Variants in MGAT4A observed in about 807,000 individuals in gnomAD.
MGAT4A encodes N-acetylglucosaminyltransferase IVa.
In MGAT4A, 33 loss-of-function variants were observed where a neutral mutation model predicts 74.1. The ratio of observed to expected loss-of-function variants is 0.45; its 90% confidence interval spans 0.34 to 0.60. The LOEUF (loss-of-function observed/expected upper bound fraction) is 0.60. MGAT4A is among the 20% of genes least tolerant of loss of function. The probability of loss-of-function intolerance (pLI) is 0.02; values close to 1 mark genes in which losing one functional copy is unlikely to be tolerated. For synonymous variants in MGAT4A, 198 were observed against 210.4 expected (o/e 0.94, Z 0.51); for missense variants, 479 against 628.3 (o/e 0.76, Z 2.54).
At chr2:98,726,200 A>G in intron 2 of MGAT4A, 39 bp downstream of exon 2, 1 of 1,548,444 alleles carries the variant, frequency 6.5e-7, no homozygotes, top group Non-Finnish European at 8.9e-7. Flanking sequence ...CAAAAACCCT[A>G]GTACATTTCA....
rs1332054877 is a variant in MGAT4A at position 98,620,920 on chromosome 2, T to C, written c.*4646A>G. 1.3e-5 allele frequency: 2 copies of C among 152,612 alleles called. No homozygotes were observed. The highest frequency in any genetic ancestry group is 2.9e-5 in the Non-Finnish European group (2 of 68,354). 9.5% of individuals were successfully genotyped at this position (152,612 alleles called of 1,614,324 possible). ...GCTACTCAGTAAGATGCTGCAACTT[T>C]GCCAACAAACGTCCAATGAAGACTA... On this transcript the variant is annotated 3_prime_UTR_variant, in exon 16 of 16. Coordinates refer to ENST00000393487, the MANE Select transcript of MGAT4A (RefSeq NM_012214.3).
At chr2:98,693,112 C>T (rs1040257438) in intron 2 of MGAT4A, among the ~76,000 whole-genome samples, 5 of 152,150 alleles carry the variant, frequency 3.3e-5, no homozygotes, top group South Asian at 2.1e-4. Flanking sequence ...CAGCAAATTT[C>T]TCATCAGAAA....
At chr2:98,726,049 C>T in intron 2 of MGAT4A, 190 bp downstream of exon 2, 1 of 473,736 alleles carries the variant, frequency 2.1e-6, no homozygotes. Context: ...ACAAAACAAG[C>T]CCCACTGGAA....
At chr2:98,640,253 A>C in intron 10 of MGAT4A, 25 bp from the exon 11 acceptor site, 1 of 1,556,780 alleles carries the variant, frequency 6.4e-7, no homozygotes, top group Non-Finnish European at 8.8e-7. Flanking sequence ...AAATCACGTT[A>C]GTGTTGCATC....
chr2:98,647,617 C>T (rs1701512459), intron 8 of MGAT4A, among the ~76,000 whole-genome samples: 1 of 152,216 alleles, frequency 6.6e-6, no homozygotes, highest in Admixed American at 6.5e-5. Flanking sequence ...CTGCGCCCGG[C>T]CCATAACGCG....
chr2:98,692,538 A>G (rs996249982), intron 2 of MGAT4A, among the ~76,000 whole-genome samples: 1 of 151,970 alleles, frequency 6.6e-6, no homozygotes, highest in Non-Finnish European at 1.5e-5. Context: ...CTCCCCACTC[A>G]CTCACTGACT....
At chr2:98,727,915 C>T (rs1575287478) in intron 1 of MGAT4A, among the ~76,000 whole-genome samples, 2 of 152,122 alleles carry the variant, frequency 1.3e-5, no homozygotes, top group Admixed American at 6.5e-5. Context: ...CCCTGTTCTA[C>T]ACACAAGGAA....
At chr2:98,641,677 CAAAAGAAAA>C (rs1007708319) in intron 10 of MGAT4A, among the ~76,000 whole-genome samples, 6 of 144,748 alleles carry the variant, frequency 4.1e-5, no homozygotes, top group African/African-American at 1.3e-4. Context: ...CTCCGTCTCA[CAAAAGAAAA>C]AAAAGAAAAA....
intron 2 of MGAT4A, among the ~76,000 whole-genome samples, chr2:98,724,193 T>A (rs889888985): frequency 6.6e-6 from 1 of 152,024 alleles, no homozygotes; most frequent in Non-Finnish European, 1.5e-5. Flanking sequence ...AAGGGACCCA[T>A]GAATGAATGA....
At chr2:98,670,384 G>A (rs1701896641) in intron 4 of MGAT4A, among the ~76,000 whole-genome samples, 3 of 152,146 alleles carry the variant, frequency 2.0e-5, no homozygotes, top group Admixed American at 6.5e-5. Flanking sequence ...ACAGTCATGA[G>A]ATAGGTAAGG....
intron 8 of MGAT4A, among the ~76,000 whole-genome samples, chr2:98,648,753 T>C (rs1575249686): frequency 6.7e-6 from 1 of 148,978 alleles, no homozygotes; most frequent in African/African-American, 2.5e-5. Context: ...CTGACACCAG[T>C]GGACCAGTGG....
intron 2 of MGAT4A, among the ~76,000 whole-genome samples, chr2:98,688,597 C>G (rs1298033330): frequency 6.6e-6 from 1 of 152,178 alleles, no homozygotes; most frequent in Non-Finnish European, 1.5e-5. Context: ...CCGAAAAGCC[C>G]ATGTGACAAA....
chr2:98,727,722 T>C (rs1702785990), intron 1 of MGAT4A, among the ~76,000 whole-genome samples: 1 of 152,124 alleles, frequency 6.6e-6, no homozygotes, highest in African/African-American at 2.4e-5. Flanking sequence ...AATTCAGAAA[T>C]TGCCACCACC....
chr2:98,622,087 A>G lies in MGAT4A; in HGVS notation c.*3479T>C, dbSNP rs1701069923. ...GCATGAGACTAAGATAAAGAACTTAAGAAATCTTACATCTTAGAATCCTAG... is the reference window on the plus strand; with the variant it reads ...GCATGAGACTAAGATAAAGAACTTAGGAAATCTTACATCTTAGAATCCTAG... On this transcript the variant is annotated 3_prime_UTR_variant, in exon 16 of 16. Coordinates refer to ENST00000393487, the MANE Select transcript of MGAT4A (RefSeq NM_012214.3). 1 of 985,354 alleles carries G rather than the reference A, an allele frequency of 1.0e-6. No individual in the cohort carries two copies. The highest frequency in any genetic ancestry group is 4.7e-5 in the South Asian group (1 of 21,288). The allele number at this position is 985,354 out of a possible 1,614,324, so 61.0% of individuals were successfully genotyped here.
intron 4 of MGAT4A, among the ~76,000 whole-genome samples, chr2:98,671,592 T>G (rs972120166): frequency 2.0e-5 from 3 of 152,168 alleles, no homozygotes; most frequent in Admixed American, 1.3e-4. Context: ...CCACAGGACT[T>G]TTGTGGTGCT....
chr2:98,635,373 G>A (rs920066974), intron 13 of MGAT4A, 85 bp from the exon 14 acceptor site: 4 of 981,950 alleles, frequency 4.1e-6, no homozygotes, highest in African/African-American at 3.3e-5. Flanking sequence ...TAGATGAAGT[G>A]GCATTTGTAA....
At position 98,726,400 on chromosome 2, in the gene MGAT4A, C is replaced by G; in HGVS notation, c.-68G>C. On this transcript the variant is annotated 5_prime_UTR_variant, in exon 2 of 16. Transcript: ENST00000393487. ...CAACCAGGACTGTTTTCTTTTTACC[C>G]TGAAAGTCAACTGAATGCAGTACTC... 1 of 1,369,868 alleles carries G rather than the reference C, an allele frequency of 7.3e-7. No homozygotes were observed. The highest frequency in any genetic ancestry group is 1.2e-5 in the South Asian group (1 of 81,254). 84.9% of individuals were successfully genotyped at this position (1,369,868 alleles called of 1,614,324 possible). A position where few individuals can be genotyped will look rare whatever the true frequency, so the allele number is the denominator to read the frequency against.
In MGAT4A at chr2:98,644,071, G is replaced by C. The variant is rs915393960; in HGVS notation, c.890-18C>G. 17 of 1,545,806 alleles carry C rather than the reference G, an allele frequency of 1.1e-5. No individual in the cohort carries two copies. The highest frequency in any genetic ancestry group is 1.5e-5 in the Non-Finnish European group (17 of 1,136,546). Reference sequence around the variant, plus strand: ...CATTTTACCTGAAAAGATATTCCCAGTCAATAGCTGCAATGAAGAAACCAA... The same window carrying C: ...CATTTTACCTGAAAAGATATTCCCACTCAATAGCTGCAATGAAGAAACCAA... On this transcript the variant is annotated intron_variant, in intron 9 of 15. Transcript: ENST00000393487.
intron 1 of MGAT4A, among the ~76,000 whole-genome samples, chr2:98,727,623 G>A (rs1173897804): frequency 1.3e-5 from 2 of 152,162 alleles, no homozygotes; most frequent in Admixed American, 1.3e-4. Context: ...TAGTGGGGGA[G>A]TTAATATACC....
Sources: allele counts gnomAD v4.1 joint callset (sites outside exome capture counted in the v4.1 genomes callset), GRCh38; gene constraint gnomAD v4.1.1; transcripts MANE v1.5; gene names NCBI Gene and HGNC (gene_info 2026-07-23, HGNC 2026-07-21).